Variants in MAN2A1 observed in about 807,000 individuals in gnomAD.
MAN2A1 encodes the protein alpha-mannosidase 2.
In MAN2A1, 76 loss-of-function variants were observed where a neutral mutation model predicts 142.6. The ratio of observed to expected loss-of-function variants is 0.53; its 90% CI spans 0.44 to 0.65. The LOEUF (loss-of-function observed/expected upper bound fraction) is 0.65, where lower values mean the gene tolerates loss of function less well. MAN2A1 is among the 30% of genes least tolerant of loss of function. MAN2A1 has a pLI of 0.00. For synonymous variants in MAN2A1, 559 were observed against 473.2 expected, an observed-to-expected ratio of 1.18 and a Z score of -2.35; for missense variants, 1,311 against 1,365.1, an observed-to-expected ratio of 0.96 and a Z score of 0.62.
At chr5:109,735,246 T>C (rs4377746) in intron 4 of MAN2A1, among the ~76,000 whole-genome samples, 12,673 of 151,986 alleles carry the variant, frequency 0.083, 533 homozygotes, top group African/African-American at 0.15. Flanking sequence ...TCCATCCTTT[T>C]ATTTTGAGCC....
chr5:109,833,749 C>T (rs1001859495), intron 16 of MAN2A1, among the ~76,000 whole-genome samples: 3 of 152,076 alleles, frequency 2.0e-5, no homozygotes, highest in African/African-American at 7.2e-5. Context: ...GAATATCATT[C>T]AGTACTTTGA....
Position 109,767,824 on chromosome 5 carries a change from CTAAAGA to C in MAN2A1, c.1009+119_1009+124del, listed in dbSNP as rs1753034869. 1.0e-5 allele frequency: 8 copies of C among 779,040 alleles called. No individual in the cohort carries two copies. In the South Asian group the frequency reaches 1.6e-4, roughly 16 times the overall value. 48.3% of individuals were successfully genotyped at this position (779,040 alleles called of 1,614,324 possible). ...TGTCAGTCTTGAAAAATCAGGTGGC[CTAAAGA>C]TAGTCACTCTCGTAATTATTTTTCC... is the stretch of plus-strand genomic sequence containing the variant. On this transcript the variant is annotated intron_variant, in intron 6 of 21. Coordinates refer to ENST00000261483, the MANE Select transcript of MAN2A1 (RefSeq NM_002372.4).
At chr5:109,764,751 CTT>C (rs1490148410) in intron 5 of MAN2A1, among the ~76,000 whole-genome samples, 1 of 152,150 alleles carries the variant, frequency 6.6e-6, no homozygotes, top group African/African-American at 2.4e-5. Context: ...ACTATAAACT[CTT>C]TGACATCACT....
chr5:109,721,018 A>C (rs896522141), intron 3 of MAN2A1, among the ~76,000 whole-genome samples: 1 of 152,204 alleles, frequency 6.6e-6, no homozygotes, highest in Admixed American at 6.5e-5. Context: ...GAGTTCTGGC[A>C]TTTATTGCCT....
intron 4 of MAN2A1, among the ~76,000 whole-genome samples, chr5:109,739,719 CT>C (rs1361379488): frequency 6.6e-6 from 1 of 152,168 alleles, no homozygotes; most frequent in Non-Finnish European, 1.5e-5. Context: ...TAACCATATA[CT>C]TTCAGTTTCC....
At chr5:109,844,001 C>T (rs950822450) in intron 17 of MAN2A1, among the ~76,000 whole-genome samples, 1 of 151,830 alleles carries the variant, frequency 6.6e-6, no homozygotes, top group Non-Finnish European at 1.5e-5. Flanking sequence ...AAACTTTTTC[C>T]AAAACATAAA....
chr5:109,818,999 C>T (rs542702299), intron 13 of MAN2A1, among the ~76,000 whole-genome samples: 257 of 152,216 alleles, frequency 1.7e-3, no homozygotes, highest in Non-Finnish European at 2.3e-3. Flanking sequence ...ACAGATGATC[C>T]CTGACTTACA....
intron 20 of MAN2A1, 31 bp downstream of exon 20, chr5:109,855,365 T>A (rs1252765430): frequency 7.3e-7 from 1 of 1,363,712 alleles, no homozygotes; most frequent in Non-Finnish European, 9.8e-7. Context: ...TATAAAAAAT[T>A]ACTGTTTATT....
At chr5:109,841,342 A>G (rs964717450) in intron 16 of MAN2A1, among the ~76,000 whole-genome samples, 1 of 152,154 alleles carries the variant, frequency 6.6e-6, no homozygotes, top group African/African-American at 2.4e-5. Context: ...TATCATTCTT[A>G]TGCCTTTGCA....
At chr5:109,758,699 A>G (rs1375761295) in intron 5 of MAN2A1, among the ~76,000 whole-genome samples, 1 of 148,584 alleles carries the variant, frequency 6.7e-6, no homozygotes, top group Non-Finnish European at 1.5e-5. Flanking sequence ...TAGTTAATAT[A>G]TAATAGTTAA....
rs1262729810 is a variant in MAN2A1 at position 109,767,578 on chromosome 5, C to T, written c.879C>T (p.His293=). 3.7e-6 allele frequency: 6 copies of T among 1,613,660 alleles called. No homozygotes were observed. The highest frequency in any genetic ancestry group is 4.2e-6 in the Non-Finnish European group (5 of 1,179,758). ...GCTGGGCTATTGATCCCTTTGGACACTCACCAACAATGGCTTATCTTCTAA... is the reference window on the plus strand; with the variant it reads ...GCTGGGCTATTGATCCCTTTGGACATTCACCAACAATGGCTTATCTTCTAA... ...RSGWAIDPFG[H]SPTMAYLLNR... Residue 293 remains histidine (H), a synonymous_variant, in exon 6 of 22, where the codon CAC becomes CAT. Transcript: ENST00000261483.
At chr5:109,817,051 A>T (rs1754480437) in intron 12 of MAN2A1, among the ~76,000 whole-genome samples, 1 of 152,138 alleles carries the variant, frequency 6.6e-6, no homozygotes, top group South Asian at 2.1e-4. Context: ...TGCTACTCCC[A>T]GCTACTCAGG....
At chr5:109,839,730 A>G (rs941795348) in intron 16 of MAN2A1, among the ~76,000 whole-genome samples, 4 of 150,646 alleles carry the variant, frequency 2.7e-5, no homozygotes, top group African/African-American at 9.8e-5. Flanking sequence ...TTATGAATGT[A>G]GGAAGAAACT....
chr5:109,732,634 GC>G (rs1157264416), intron 4 of MAN2A1, among the ~76,000 whole-genome samples: 1 of 152,052 alleles, frequency 6.6e-6, no homozygotes, highest in Non-Finnish European at 1.5e-5. Flanking sequence ...TTTCCCCATT[GC>G]TTGTTTTTCT....
At chr5:109,706,364 C>G (rs908125223) in intron 1 of MAN2A1, among the ~76,000 whole-genome samples, 7 of 152,198 alleles carry the variant, frequency 4.6e-5, no homozygotes, top group African/African-American at 1.4e-4. Flanking sequence ...CATACTTTTA[C>G]TATGTAGCAG....
At chr5:109,848,408 G>A (rs1411563360) in intron 19 of MAN2A1, among the ~76,000 whole-genome samples, 1 of 152,154 alleles carries the variant, frequency 6.6e-6, no homozygotes, top group Non-Finnish European at 1.5e-5. Context: ...ATAGCCCTGA[G>A]CATGGGCTTT....
chr5:109,783,344 A>G (rs1399041663), intron 9 of MAN2A1, among the ~76,000 whole-genome samples: 1 of 152,216 alleles, frequency 6.6e-6, no homozygotes, highest in Non-Finnish European at 1.5e-5. Context: ...TGTGGATAAA[A>G]TATAAAAGTA....
At chr5:109,811,295 C>T (rs1489123118) in intron 12 of MAN2A1, among the ~76,000 whole-genome samples, 2 of 152,080 alleles carry the variant, frequency 1.3e-5, no homozygotes, top group Non-Finnish European at 2.9e-5. Flanking sequence ...TTGCCCATCT[C>T]ATGATCATTT....
rs376821152 is a variant in MAN2A1, at chr5:109,755,487, A to G, written c.835+31A>G. The G allele has an allele frequency of 1.0e-5, 16 of 1,567,900 alleles. 1 individual carries two copies. The African/African-American group carries it at 1.2e-4, about 12-fold the overall frequency. On this transcript the variant is annotated intron_variant, in intron 5 of 21. Coordinates refer to ENST00000261483, the MANE Select transcript of MAN2A1 (RefSeq NM_002372.4). ...TATTGGTATATTCTTTATTTGGGCTATTTTGGACAGTTAATTTTCGGGATG... is the reference window on the plus strand; with the variant it reads ...TATTGGTATATTCTTTATTTGGGCTGTTTTGGACAGTTAATTTTCGGGATG...
Sources: gnomAD v4.1 joint callset for allele counts (sites outside exome capture counted in the v4.1 genomes callset) on GRCh38, gnomAD v4.1.1 for gene constraint, MANE v1.5 for transcripts, NCBI Gene and HGNC (gene_info 2026-07-23, HGNC 2026-07-21) for gene names.